The following DGKB variants were observed in gnomAD, a reference collection of about 807,000 sequenced individuals.
The protein encoded by DGKB is 90 kDa diacylglycerol kinase.
In DGKB, 67 loss-of-function variants were observed where a neutral mutation model predicts 114.3. The observed-to-expected ratio is 0.59, with a 90% confidence interval of 0.48 to 0.72. DGKB has a LOEUF of 0.72. DGKB is among the 30% of genes least tolerant of loss of function. The probability of loss-of-function intolerance (pLI) is 0.00; values close to 1 mark genes in which losing one functional copy is unlikely to be tolerated. For synonymous variants in DGKB, 398 were observed against 323.1 expected (o/e 1.23, Z -2.49); for missense variants, 907 against 975.2 (o/e 0.93, Z 0.93).
chr7:14,908,772 G>C (rs1034577271), intron 1 of DGKB, among the ~76,000 whole-genome samples: 1 of 152,094 alleles, frequency 6.6e-6, no homozygotes, highest in Non-Finnish European at 1.5e-5. Context: ...ATTTGTAACA[G>C]TAATGATAGC....
intron 6 of DGKB, among the ~76,000 whole-genome samples, chr7:14,715,118 G>T (rs9784967): frequency 0.58 from 88,030 of 151,930 alleles, 26,302 homozygotes; most frequent in East Asian, 0.87. Flanking sequence ...CTGAGACAGT[G>T]AATTCTCAAC....
At position 14,461,956 on chromosome 7, in the gene DGKB, C is replaced by A. The variant is rs549066488; in HGVS notation, c.1835+16205G>T. Among the ~76,000 whole-genome samples the A allele has an allele frequency of 4.1e-4, 63 of 152,274 alleles. 1 individual carries two copies. The highest frequency in any genetic ancestry group is 2.1e-3 in the South Asian group (10 of 4,828). On this transcript the variant is annotated intron_variant, in intron 21 of 25. Transcript: ENST00000402815. The stretch of plus-strand genomic sequence containing the variant: ...GGATGCAAGGCTGGTTCAACATATG[C>A]AAATCAGTAACTGTAATCCATCACA...
chr7:14,353,129 C>A (rs1813788079), intron 21 of DGKB, among the ~76,000 whole-genome samples: 1 of 151,754 alleles, frequency 6.6e-6, no homozygotes, highest in Admixed American at 6.6e-5. Flanking sequence ...ACTCAAGAAA[C>A]CCTAGCTTTT....
intron 4 of DGKB, among the ~76,000 whole-genome samples, chr7:14,740,922 C>T (rs1446963212): frequency 6.6e-6 from 1 of 152,162 alleles, no homozygotes; most frequent in Non-Finnish European, 1.5e-5. Context: ...CCTTCTCTCT[C>T]TCATGTACCC....
At chr7:14,662,721 G>A (rs1286878368) in intron 13 of DGKB, among the ~76,000 whole-genome samples, 1 of 151,436 alleles carries the variant, frequency 6.6e-6, no homozygotes, top group Non-Finnish European at 1.5e-5. Flanking sequence ...AATGCCACAT[G>A]GTATATTCAG....
At chr7:14,295,480 T>C (rs1226604077) in intron 23 of DGKB, among the ~76,000 whole-genome samples, 1 of 152,096 alleles carries the variant, frequency 6.6e-6, no homozygotes, top group Non-Finnish European at 1.5e-5. Context: ...TTAACAAGAG[T>C]CTATTCAAAG....
At position 14,270,906 on chromosome 7, in the gene DGKB, G is replaced by C. The variant is rs1798175035; in HGVS notation, c.2122+67609C>G. On this transcript the variant is annotated intron_variant, in intron 23 of 25. Coordinates refer to ENST00000402815, the MANE Select transcript of DGKB (RefSeq NM_001350709.2). ...GATGTAGAAAGTGATTTTTCAAGAA[G>C]AGAGAAAACTTAAACATATGGTTAC... Among the ~76,000 whole-genome samples the C allele has an allele frequency of 1.3e-5, 2 of 152,134 alleles. 1 individual carries two copies. Among genetic ancestry groups the C allele is most frequent in the South Asian group, 4.1e-4 (2 of 4,828 alleles).
intron 2 of DGKB, among the ~76,000 whole-genome samples, chr7:14,786,749 C>T (rs1282264442): frequency 6.9e-6 from 1 of 144,200 alleles, no homozygotes; most frequent in East Asian, 1.9e-4. Context: ...CATCAGCCCC[C>T]TGTCACCTCA....
intron 4 of DGKB, among the ~76,000 whole-genome samples, chr7:14,747,786 C>A (rs1833561319): frequency 6.6e-6 from 1 of 152,074 alleles, no homozygotes; most frequent in Admixed American, 6.6e-5. Context: ...CACGCACACA[C>A]ACACACACAC....
At chr7:14,729,133 T>G (rs574163243) in intron 5 of DGKB, among the ~76,000 whole-genome samples, 1,495 of 146,862 alleles carry the variant, frequency 0.01, 47 homozygotes, top group African/African-American at 0.035. Flanking sequence ...CTTTTTTTTT[T>G]TTTTTTTTTG....
chr7:14,558,998 C>A (rs1455352304), intron 20 of DGKB, among the ~76,000 whole-genome samples: 5 of 152,164 alleles, frequency 3.3e-5, no homozygotes, highest in Non-Finnish European at 7.3e-5. Context: ...AGATCACCTG[C>A]ATGTCCCTAT....
At chr7:14,872,067 G>A (rs1562777883) in intron 1 of DGKB, among the ~76,000 whole-genome samples, 1 of 152,072 alleles carries the variant, frequency 6.6e-6, no homozygotes, top group Non-Finnish European at 1.5e-5. Context: ...GCAAAGTGGT[G>A]ATTCACTAGA....
At chr7:14,800,177 A>C (rs1375140149) in intron 2 of DGKB, among the ~76,000 whole-genome samples, 3 of 152,138 alleles carry the variant, frequency 2.0e-5, no homozygotes, top group African/African-American at 7.2e-5. Context: ...CGGCCTCCCG[A>C]AGTGCTGGAA....
intron 23 of DGKB, among the ~76,000 whole-genome samples, chr7:14,233,094 G>C (rs1269741126): frequency 6.6e-6 from 1 of 152,018 alleles, no homozygotes; most frequent in African/African-American, 2.4e-5. Flanking sequence ...AATTTCTTGA[G>C]GTGTCTTGGC....
At chr7:14,439,901 G>T (rs1829835401) in intron 21 of DGKB, among the ~76,000 whole-genome samples, 1 of 151,412 alleles carries the variant, frequency 6.6e-6, no homozygotes, top group South Asian at 2.1e-4. Flanking sequence ...AATAAATGTG[G>T]CAGACTGCCA....
intron 9 of DGKB, among the ~76,000 whole-genome samples, chr7:14,687,999 C>T (rs1822017902): frequency 6.6e-6 from 1 of 152,140 alleles, no homozygotes; most frequent in Non-Finnish European, 1.5e-5. Context: ...GGATACATTG[C>T]CAAAATATGC....
chr7:14,508,691 G>A (rs1787497132), intron 20 of DGKB, among the ~76,000 whole-genome samples: 2 of 152,114 alleles, frequency 1.3e-5, no homozygotes, highest in Admixed American at 6.5e-5. Flanking sequence ...TGTTAGATAA[G>A]TTGATACTGA....
chr7:14,153,304 ATAAGCATTTAT>A (rs1423798525), intron 25 of DGKB, among the ~76,000 whole-genome samples: 21 of 152,252 alleles, frequency 1.4e-4, no homozygotes, highest in African/African-American at 5.1e-4. Context: ...CATCCTTTCC[ATAAGCATTTAT>A]TGAAGCATTC....
intron 23 of DGKB, among the ~76,000 whole-genome samples, chr7:14,261,581 T>TTATA (rs1373865689): frequency 6.6e-6 from 1 of 152,164 alleles, no homozygotes; most frequent in African/African-American, 2.4e-5. Flanking sequence ...AAACTAGATA[T>TTATA]TATATTTGGA....
Sources: allele counts gnomAD v4.1 joint callset (sites outside exome capture counted in the v4.1 genomes callset), GRCh38; gene constraint gnomAD v4.1.1; transcripts MANE v1.5; gene names NCBI Gene and HGNC (gene_info 2026-07-23, HGNC 2026-07-21).